The following ELK3 variants were observed in gnomAD, a reference collection of about 807,000 sequenced individuals.
The protein encoded by ELK3 is ETS transcription factor ELK3, also known as ETS domain-containing protein Elk-3.
ELK3 carries 10 observed loss-of-function variants against 28.9 expected under a neutral mutation model. That is an observed-to-expected ratio of 0.35 (90% CI 0.21 to 0.59). The LOEUF (loss-of-function observed/expected upper bound fraction) is 0.59, where lower values mean the gene tolerates loss of function less well. Ranked by LOEUF, ELK3 falls within the 20% of genes least tolerant of loss-of-function variation. The pLI is 0.82. For synonymous variants in ELK3, 272 were observed against 243.5 expected, an observed-to-expected ratio of 1.12 and a Z score of -1.09; for missense variants, 463 against 517.3, an observed-to-expected ratio of 0.90 and a Z score of 1.02.
chr12:96,256,387 C>T (rs889281935), intron 3 of ELK3, among the ~76,000 whole-genome samples: 2 of 152,074 alleles, frequency 1.3e-5, no homozygotes, highest in African/African-American at 4.8e-5. Flanking sequence ...TTTGCACTCT[C>T]GGTCAGTATT....
chr12:96,210,595 A>ACCCCC (rs112788515), intron 1 of ELK3, among the ~76,000 whole-genome samples: 7 of 150,320 alleles, frequency 4.7e-5, no homozygotes, highest in African/African-American at 1.7e-4. Context: ...ACACACACAC[A>ACCCCC]CACCCCGAGT....
chr12:96,262,010 A>G (rs933789739), intron 4 of ELK3, among the ~76,000 whole-genome samples: 35 of 135,176 alleles, frequency 2.6e-4, no homozygotes, highest in Middle Eastern at 3.7e-3. Flanking sequence ...ATAGGGCCTG[A>G]TAAAAACTTT....
intron 3 of ELK3, among the ~76,000 whole-genome samples, chr12:96,256,305 G>A (rs932930466): frequency 6.6e-6 from 1 of 152,174 alleles, no homozygotes; most frequent in African/African-American, 2.4e-5. Flanking sequence ...CCTGGGATGC[G>A]GGTGGTAAAT....
chr12:96,196,757 T>G (rs1022435621), intron 1 of ELK3, among the ~76,000 whole-genome samples: 2 of 151,820 alleles, frequency 1.3e-5, no homozygotes, highest in Admixed American at 6.6e-5. Flanking sequence ...GTTTTTTTTT[T>G]TTTTTTTTTT....
At chr12:96,253,104 T>A (rs1008251917) in intron 3 of ELK3, among the ~76,000 whole-genome samples, 2 of 152,058 alleles carry the variant, frequency 1.3e-5, no homozygotes, top group Admixed American at 1.3e-4. Context: ...CTACTAAAAG[T>A]ACAAAAATTA....
In ELK3 at chr12:96,267,128, T is replaced by G. The variant is rs1429457584; in HGVS notation, c.1172T>G (p.Leu391Arg). Residue 391 changes from leucine (L) to arginine (R), a missense_variant, in exon 5 of 5, where the codon CTG becomes CGG. By Grantham distance (102) the Leu-to-Arg change is moderately radical. Transcript: ENST00000228741. ...NGHMPVPIPSLDRAASPVLLS... is the reference protein window; with the variant it reads ...NGHMPVPIPSRDRAASPVLLS... The stretch of plus-strand genomic sequence containing the variant: ...CACATGCCAGTGCCAATCCCCAGTC[T>G]GGACAGAGCTGCTTCTCCAGTACTG... 6.2e-7 allele frequency: 1 copy of G among 1,613,720 alleles called. No homozygotes were observed. The highest frequency in any genetic ancestry group is 1.1e-5 in the South Asian group (1 of 90,960).
chr12:96,219,375 C>T (rs940596751), intron 1 of ELK3, among the ~76,000 whole-genome samples: 9 of 151,996 alleles, frequency 5.9e-5, no homozygotes, highest in African/African-American at 1.7e-4. Flanking sequence ...GTAGTGTTAG[C>T]GGTTATTGGA....
At position 96,250,865 on chromosome 12, in the gene ELK3, A is replaced by T. The variant is rs78222834; in HGVS notation, c.1002+3131A>T. On this transcript the variant is annotated intron_variant, in intron 3 of 4. Transcript: ENST00000228741. ...AATAACCCGATACCCTGAAGGTACA[A>T]ATTCCGAAGGTTGGTTATTTCCAGC... Among the ~76,000 whole-genome samples, 98 of 152,312 alleles carry T rather than the reference A, an allele frequency of 6.4e-4. 2 individuals carry two copies. In the East Asian group the frequency reaches 0.017, roughly 27 times the overall value.
intron 2 of ELK3, among the ~76,000 whole-genome samples, chr12:96,243,439 A>T (rs34597644): frequency 0.041 from 6,207 of 152,270 alleles, 141 homozygotes; most frequent in Middle Eastern, 0.051. Flanking sequence ...CATAGAATAG[A>T]ATATTCTATT....
intron 1 of ELK3, among the ~76,000 whole-genome samples, chr12:96,204,593 C>T (rs974690213): frequency 2.6e-5 from 4 of 152,100 alleles, no homozygotes; most frequent in Non-Finnish European, 5.9e-5. Context: ...ACATCAACAA[C>T]AGCAGCAGCA....
intron 3 of ELK3, among the ~76,000 whole-genome samples, chr12:96,257,196 C>G (rs1951957118): frequency 6.6e-6 from 1 of 152,200 alleles, no homozygotes; most frequent in South Asian, 2.1e-4. Context: ...TGAAGTCTCA[C>G]ACTGTCCCGG....
intron 3 of ELK3, among the ~76,000 whole-genome samples, chr12:96,256,503 G>C (rs545936789): frequency 3.9e-5 from 6 of 152,120 alleles, no homozygotes; most frequent in Non-Finnish European, 7.3e-5. Context: ...AGCATGGTGG[G>C]GCATCCAAGT....
rs375641918 is a variant in ELK3 at position 96,259,835 on chromosome 12, G to T, written c.1107G>T (p.Gly369=). ...VAPLSPARLQ[G]PSTLFQFPTL... is the part of the protein sequence containing the mutation. ...CGCTGAGTCCTGCCAGGCTGCAAGG[G>T]CCAAGCACGCTGTTCCAGGTGAGCG... The change falls in exon 4 of 5, where the codon GGG becomes GGT. Residue 369 remains glycine (G), a synonymous_variant. Coordinates refer to ENST00000228741, the MANE Select transcript of ELK3 (RefSeq NM_005230.4). The T allele has an allele frequency of 1.3e-4, 209 of 1,603,492 alleles. No homozygotes were observed. The highest frequency in any genetic ancestry group is 1.7e-4 in the Non-Finnish European group (201 of 1,176,086).
intron 4 of ELK3, among the ~76,000 whole-genome samples, chr12:96,262,280 A>G (rs1164288723): frequency 6.6e-6 from 1 of 152,152 alleles, no homozygotes; most frequent in African/African-American, 2.4e-5. Context: ...TGGTCTCCCA[A>G]ATTGCTGCGA....
At position 96,268,542 on chromosome 12, in the gene ELK3, TGAA is replaced by T. The variant is rs1364552599; in HGVS notation, c.*1367_*1369del. 1 of 152,124 alleles carries T rather than the reference TGAA, an allele frequency of 6.6e-6. No individual in the cohort carries two copies. Among genetic ancestry groups the T allele is most frequent in the African/African-American group, 2.4e-5 (1 of 41,398 alleles). The allele number at this position is 152,124 out of a possible 1,614,324, so 9.4% of individuals were successfully genotyped here. On this transcript the variant is annotated 3_prime_UTR_variant, in exon 5 of 5. Coordinates refer to ENST00000228741, the MANE Select transcript of ELK3 (RefSeq NM_005230.4). ...AGTCCAAAGGTACCACACCTGTACA[TGAA>T]GAAGGAAAGTTCTAATACAAGAAAA...
At chr12:96,238,341 G>A (rs371364253) in intron 2 of ELK3, among the ~76,000 whole-genome samples, 86 of 152,286 alleles carry the variant, frequency 5.6e-4, no homozygotes, top group African/African-American at 2.0e-3. Context: ...ACTGAGCCCC[G>A]TGTAGATGTT....
At chr12:96,222,724 A>T (rs1158807414) in intron 1 of ELK3, 2 of 152,272 alleles carry the variant, frequency 1.3e-5, no homozygotes, top group African/African-American at 4.8e-5. Context: ...GGGGTCCAGC[A>T]TTTTAGTTAG....
intron 2 of ELK3, chr12:96,224,000 G>A (rs1951681744): frequency 7.5e-6 from 4 of 533,690 alleles, no homozygotes; most frequent in Non-Finnish European, 1.0e-5. Flanking sequence ...CTGCATTTTC[G>A]TCTGAGTTTG....
At chr12:96,228,416 CAAAAAA>C (rs71091236) in intron 2 of ELK3, among the ~76,000 whole-genome samples, 5 of 68,294 alleles carry the variant, frequency 7.3e-5, no homozygotes, top group South Asian at 4.6e-4. Context: ...GACTCTGTGT[CAAAAAA>C]AAAAAAAAAA....
Sources: gnomAD v4.1 joint callset for allele counts (sites outside exome capture counted in the v4.1 genomes callset) on GRCh38, gnomAD v4.1.1 for gene constraint, MANE v1.5 for transcripts, NCBI Gene and HGNC (gene_info 2026-07-23, HGNC 2026-07-21) for gene names.